Variants in CFAP100 observed in about 807,000 individuals in gnomAD.
The protein encoded by CFAP100 is cilia- and flagella-associated protein 100.
Under a neutral mutation model 81.5 loss-of-function variants are expected in CFAP100, and 70 were observed. The ratio of observed to expected loss-of-function variants is 0.86; its 90% CI spans 0.71 to 1.05. CFAP100 has a LOEUF of 1.05. Among genes scored for constraint, CFAP100 ranks in the 50% least tolerant of loss-of-function variants. The pLI, the probability that CFAP100 is intolerant of heterozygous loss-of-function variation, is 0.00. For missense variants in CFAP100, 811 were observed against 776.5 expected (o/e 1.04, Z -0.53); for synonymous variants, 341 against 314.8 (o/e 1.08, Z -0.88).
chr3:126,432,937 C>T, intron 13 of CFAP100, 132 bp from the exon 14 acceptor site: 2 of 935,182 alleles, frequency 2.1e-6, no homozygotes. Flanking sequence ...CATGCAGAGA[C>T]TTGGCACCCA....
chr3:126,426,311 A>C (rs1260028670), intron 13 of CFAP100, among the ~76,000 whole-genome samples: 1 of 152,100 alleles, frequency 6.6e-6, no homozygotes, highest in East Asian at 1.9e-4. Flanking sequence ...AAAAATAAAA[A>C]ACTTAGCTAG....
intron 11 of CFAP100, among the ~76,000 whole-genome samples, chr3:126,421,455 G>A (rs1187641850): frequency 6.6e-6 from 1 of 152,224 alleles, no homozygotes; most frequent in Non-Finnish European, 1.5e-5. Flanking sequence ...ATATTCTCCT[G>A]TGTTTTCTTC....
Position 126,434,600 on chromosome 3 carries a change from G to A in CFAP100, c.1628+219G>A, listed in dbSNP as rs150676847. 8.9e-4 allele frequency: 493 copies of A among 556,160 alleles called. 1 individual carries two copies. The highest frequency in any genetic ancestry group is 8.5e-3 in the African/African-American group (450 of 53,104). 34.5% of individuals were successfully genotyped at this position (556,160 alleles called of 1,614,324 possible). The stretch of plus-strand genomic sequence containing the variant: ...TTCCTAGAGCAAACGACAGTGACTC[G>A]ATGTGGCCAGGAGGCTCAGGGAGGG... On this transcript the variant is annotated intron_variant, in intron 15 of 16. Transcript: ENST00000352312.
At chr3:126,405,580 T>C (rs567948140) in intron 2 of CFAP100, among the ~76,000 whole-genome samples, 1 of 152,212 alleles carries the variant, frequency 6.6e-6, no homozygotes, top group East Asian at 1.9e-4. Context: ...GGAGAATCGC[T>C]TGAACCTGGG....
intron 13 of CFAP100, among the ~76,000 whole-genome samples, chr3:126,426,454 T>TAAA (rs67227509): frequency 1.5e-3 from 195 of 132,876 alleles, no homozygotes; most frequent in East Asian, 3.1e-3. Context: ...GACCCTGTCT[T>TAAA]AAAAAAAAAA....
intron 13 of CFAP100, among the ~76,000 whole-genome samples, chr3:126,432,346 T>G (rs1933267433): frequency 6.9e-6 from 1 of 144,212 alleles, no homozygotes; most frequent in Admixed American, 6.9e-5. Context: ...CTCCTAGATA[T>G]ATATTCGTGA....
intron 13 of CFAP100, among the ~76,000 whole-genome samples, chr3:126,428,967 G>A (rs961490857): frequency 6.6e-6 from 1 of 151,972 alleles, no homozygotes; most frequent in Non-Finnish European, 1.5e-5. Flanking sequence ...AAATGAGCCA[G>A]GTGTGGTTGT....
chr3:126,400,591 A>C (rs2082959631), intron 2 of CFAP100, among the ~76,000 whole-genome samples: 1 of 152,064 alleles, frequency 6.6e-6, no homozygotes, highest in African/African-American at 2.4e-5. Flanking sequence ...GTCTCTACTA[A>C]AAATACAAAA....
intron 2 of CFAP100, among the ~76,000 whole-genome samples, chr3:126,401,395 TTTTATATATATA>T (rs2082976660): frequency 5.4e-5 from 3 of 55,068 alleles, no homozygotes; most frequent in Admixed American, 2.1e-4. Flanking sequence ...GCAAATCGTA[TTTTATATATATA>T]TATATATATA....
intron 2 of CFAP100, among the ~76,000 whole-genome samples, chr3:126,405,400 C>T (rs1286629829): frequency 1.3e-5 from 2 of 152,242 alleles, no homozygotes; most frequent in Non-Finnish European, 2.9e-5. Context: ...TGGTGGCTCA[C>T]ACCTATAATC....
At position 126,419,703 on chromosome 3, in the gene CFAP100, G is replaced by C. The variant is rs369723099; in HGVS notation, c.798G>C (p.Leu266=). Reference sequence around the variant, plus strand: ...TCTATAAGGATTTCCTATACAAGCTGTCGCCCAAGGAGTGGCTTGAAGAAC... The same window carrying C: ...TCTATAAGGATTTCCTATACAAGCTCTCGCCCAAGGAGTGGCTTGAAGAAC... ...YKVYKDFLYK[L]SPKEWLEEQE... The change falls in exon 9 of 17, where the codon CTG becomes CTC. Residue 266 remains leucine, a synonymous_variant. Coordinates refer to ENST00000352312, the MANE Select transcript of CFAP100 (RefSeq NM_182628.3). 2 of 1,614,008 alleles carry C rather than the reference G, an allele frequency of 1.2e-6. No homozygotes were observed. Among genetic ancestry groups the C allele is most frequent in the African/African-American group, 2.7e-5 (2 of 74,956 alleles).
At chr3:126,424,796 C>T (rs1164537826) in intron 13 of CFAP100, among the ~76,000 whole-genome samples, 2 of 152,224 alleles carry the variant, frequency 1.3e-5, no homozygotes, top group Non-Finnish European at 2.9e-5. Flanking sequence ...TGGAGGGTGA[C>T]AGCAGATGGG....
intron 13 of CFAP100, among the ~76,000 whole-genome samples, chr3:126,427,142 G>A (rs1222492154): frequency 6.6e-6 from 1 of 152,168 alleles, no homozygotes; most frequent in Non-Finnish European, 1.5e-5. Flanking sequence ...TGTAGTTACT[G>A]ACAAACTGAT....
At chr3:126,426,328 T>C (rs990932124) in intron 13 of CFAP100, among the ~76,000 whole-genome samples, 6 of 152,002 alleles carry the variant, frequency 3.9e-5, no homozygotes, top group African/African-American at 1.2e-4. Context: ...CTAGGCATGG[T>C]GGCACACATC....
chr3:126,409,391 T>C (rs1450985781), intron 3 of CFAP100, among the ~76,000 whole-genome samples: 1 of 152,254 alleles, frequency 6.6e-6, no homozygotes, highest in Admixed American at 6.5e-5. Context: ...TTAGGTTGTT[T>C]CCAGTTTTTA....
chr3:126,398,386 A>G (rs1167324438), intron 2 of CFAP100, among the ~76,000 whole-genome samples: 1 of 152,202 alleles, frequency 6.6e-6, no homozygotes, highest in Non-Finnish European at 1.5e-5. Flanking sequence ...TGAGCGGCCA[A>G]ATATATTTCC....
chr3:126,409,546 A>G (rs1023884371), intron 3 of CFAP100, among the ~76,000 whole-genome samples: 1 of 152,354 alleles, frequency 6.6e-6, no homozygotes, highest in South Asian at 2.1e-4. Flanking sequence ...GACTGTACCA[A>G]TTCACAGTCC....
chr3:126,416,978 G>A (rs1158983096), intron 5 of CFAP100: 1 of 152,514 alleles, frequency 6.6e-6, no homozygotes, highest in Non-Finnish European at 1.5e-5. Context: ...CTATAGGGTA[G>A]GGTTCAGGCA....
At chr3:126,419,041 C>T (rs1261668143) in intron 7 of CFAP100, 35 bp from the exon 8 acceptor site, 1 of 782,628 alleles carries the variant, frequency 1.3e-6, no homozygotes, top group Admixed American at 2.4e-5. Flanking sequence ...TGGCCCCTTG[C>T]CCCCATCCCT....
Sources: allele counts gnomAD v4.1 joint callset (sites outside exome capture counted in the v4.1 genomes callset), GRCh38; gene constraint gnomAD v4.1.1; transcripts MANE v1.5; gene names NCBI Gene and HGNC (gene_info 2026-07-23, HGNC 2026-07-21).